INF2: variants seen among roughly 807,000 people sequenced by gnomAD.
INF2 encodes inverted formin-2.
Under a neutral mutation model 123.5 loss-of-function variants are expected in INF2, and 43 were observed. The observed-to-expected ratio is 0.35, with a 90% CI of 0.27 to 0.45. The LOEUF is 0.45. INF2 is among the 20% of genes least tolerant of loss of function. The pLI is 1.00. For missense variants in INF2, 1,453 were observed against 1,682.7 expected, an observed-to-expected ratio of 0.86 and a Z score of 2.39; for synonymous variants, 851 against 745.0, an observed-to-expected ratio of 1.14 and a Z score of -2.32.
rs772977648 is a variant in INF2, at chr14:104,709,603, C to T, written c.2053-17C>T. ...GCTGGCATGGGGGGATCCCACATGC[C>T]GTTCTCCTCCTGGCAGATTGAAAAC... On this transcript the variant is annotated splice_polypyrimidine_tract_variant and intron_variant, in intron 11 of 22. Coordinates refer to ENST00000392634, the MANE Select transcript of INF2 (RefSeq NM_022489.4). 50 of 1,609,050 alleles carry T rather than the reference C, an allele frequency of 3.1e-5. No individual in the cohort carries two copies. The highest frequency in any genetic ancestry group is 1.8e-4 in the East Asian group (8 of 44,868).
chr14:104,715,304 G>C lies in INF2; in HGVS notation c.3715G>C (p.Asp1239His). 1 of 1,613,656 alleles carries C rather than the reference G, an allele frequency of 6.2e-7. No homozygotes were observed. The highest frequency in any genetic ancestry group is 1.1e-5 in the South Asian group (1 of 91,078). Residue 1239 changes from aspartate to histidine, a missense_variant, in exon 22 of 23, where the codon GAT (aspartate) becomes CAT (histidine). By Grantham distance (81) the Asp-to-His change is moderately conservative (BLOSUM62 -1). This residue lies in a region of INF2 where 344 missense variants were observed against 333.1 expected (regional missense o/e 1.03). Coordinates refer to ENST00000392634, the MANE Select transcript of INF2 (RefSeq NM_022489.4). ...AGCAGAGGTTCCCCCTGATTCTGATGATAATAAAACAAAGAAACTGTGTGT... is the reference window on the plus strand; with the variant it reads ...AGCAGAGGTTCCCCCTGATTCTGATCATAATAAAACAAAGAAACTGTGTGT... The part of the protein sequence containing the change: ...SQEEVPPDSD[D>H]NKTKKLCVIQ
upstream of INF2, among the ~76,000 whole-genome samples, chr14:104,688,136 C>T (rs1888728682): frequency 6.6e-6 from 1 of 152,268 alleles, no homozygotes; most frequent in Non-Finnish European, 1.5e-5. Context: ...CCAAGAATTG[C>T]AGAGTGCCTG....
At chr14:104,693,033 A>G (rs1189951152) in intron 1 of INF2, among the ~76,000 whole-genome samples, 1 of 152,190 alleles carries the variant, frequency 6.6e-6, no homozygotes, top group Non-Finnish European at 1.5e-5. Flanking sequence ...TGGAAATGGC[A>G]TGGAGACCCA....
chr14:104,696,764 C>T (rs1889212115), intron 1 of INF2, among the ~76,000 whole-genome samples: 1 of 152,146 alleles, frequency 6.6e-6, no homozygotes, highest in South Asian at 2.1e-4. Flanking sequence ...TGTGGCAGCC[C>T]CTGCCTCCTA....
intron 6 of INF2, 36 bp from the exon 7 acceptor site, chr14:104,706,874 C>A: frequency 6.3e-7 from 1 of 1,597,218 alleles, no homozygotes; most frequent in Non-Finnish European, 8.5e-7. Flanking sequence ...AGGGAGGGGC[C>A]GGCTGCTGAC....
intron 9 of INF2, 22 bp downstream of exon 9, chr14:104,708,609 A>T: frequency 6.2e-7 from 1 of 1,612,646 alleles, no homozygotes. Context: ...GAGGGGACTC[A>T]GACCGGGGCC....
intron 1 of INF2, among the ~76,000 whole-genome samples, chr14:104,695,950 G>A (rs558012121): frequency 6.6e-5 from 10 of 152,286 alleles, no homozygotes; most frequent in Admixed American, 1.3e-4. Context: ...TCTGTGAGAT[G>A]TTGCTGTCTT....
chr14:104,713,048 CT>C, intron 18 of INF2, 56 bp downstream of exon 18: 1 of 1,609,426 alleles, frequency 6.2e-7, no homozygotes, highest in Non-Finnish European at 8.5e-7. Context: ...CCCGAGGCCC[CT>C]GGCCTTCCTC....
rs557462297 is a variant in INF2 at position 104,714,816 on chromosome 14, C to G, written c.3654C>G (p.Thr1218=). 4 of 1,594,060 alleles carry G rather than the reference C, an allele frequency of 2.5e-6. No homozygotes were observed. The highest frequency in any genetic ancestry group is 1.1e-5 in the South Asian group (1 of 88,650). Residue 1218 remains threonine, a synonymous_variant, in exon 21 of 23, where the codon ACC becomes ACG. Coordinates refer to ENST00000392634, the MANE Select transcript of INF2 (RefSeq NM_022489.4). The stretch of plus-strand genomic sequence containing the variant: ...CCCGGGGCCGGGCCTCAAAGGGGAC[C>G]GGGAAGCGAAGGAAGAAGCGTCCCT... ...PRARGRASKG[T]GKRRKKRPSR...
At chr14:104,708,329 C>T in intron 8 of INF2, 107 bp from the exon 9 acceptor site, 1 of 1,419,852 alleles carries the variant, frequency 7.0e-7, no homozygotes, top group Non-Finnish European at 9.6e-7. Flanking sequence ...CTACTGGGCC[C>T]CAGGCAGGAC....
intron 22 of INF2, among the ~76,000 whole-genome samples, chr14:104,718,432 A>G (rs1890416099): frequency 6.6e-6 from 1 of 152,092 alleles, no homozygotes; most frequent in Admixed American, 6.5e-5. Flanking sequence ...ACGTGGAAGC[A>G]ATGGAGGGCT....
At chr14:104,688,650 C>T (rs145790807), upstream of INF2, among the ~76,000 whole-genome samples, 1,243 of 152,358 alleles carry the variant, frequency 8.2e-3, 21 homozygotes, top group African/African-American at 0.028. Flanking sequence ...ACAGGGAGTG[C>T]TGGCGCCGGT....
At position 104,704,275 on chromosome 14, in the gene INF2, A is replaced by C. The variant is rs1016549182; in HGVS notation, c.701+326A>C. 2.2e-5 allele frequency: 22 copies of C among 982,570 alleles called. No individual in the cohort carries two copies. In the East Asian group the frequency reaches 6.2e-4, roughly 28 times the overall value. 60.9% of individuals were successfully genotyped at this position (982,570 alleles called of 1,614,324 possible). On this transcript the variant is annotated intron_variant, in intron 5 of 22. Transcript: ENST00000392634. ...CCCAGAAACAGAAAATGAAATGCCA[A>C]TAAGAGGGAACTACAGGGTGGTTCA...
At chr14:104,704,764 G>A (rs1429553248) in intron 5 of INF2, 5 of 152,154 alleles carry the variant, frequency 3.3e-5, no homozygotes, top group Admixed American at 2.0e-4. Flanking sequence ...TGGCAAACAC[G>A]CACATGTACC....
rs761236066 is a variant in INF2, at chr14:104,706,900, G to A, written c.844-10G>A. 22 of 1,603,120 alleles carry A rather than the reference G, an allele frequency of 1.4e-5. No individual in the cohort carries two copies. The highest frequency in any genetic ancestry group is 2.2e-5 in the East Asian group (1 of 44,852). The stretch of plus-strand genomic sequence containing the variant: ...GGCTGCTGACCTGCACCCCACACTC[G>A]CCCGTCCAGGTGAGCTGCTCCCCGG... On this transcript the variant is annotated splice_polypyrimidine_tract_variant and intron_variant, in intron 6 of 22. Coordinates refer to ENST00000392634, the MANE Select transcript of INF2 (RefSeq NM_022489.4).
In INF2 at chr14:104,713,638, C is replaced by T. The variant is rs750228017; in HGVS notation, c.3040+32C>T. On this transcript the variant is annotated intron_variant, in intron 20 of 22. Transcript: ENST00000392634. ...CCCTCTCCCACTGCCTCCTCATGGT[C>T]CCCTTGCCACTGTCCCTACCCTGTG... 5 of 1,604,890 alleles carry T rather than the reference C, an allele frequency of 3.1e-6. No individual in the cohort carries two copies. The South Asian group carries it at 3.3e-5, about 11-fold the overall frequency.
chr14:104,689,679 C>G lies in INF2; in HGVS notation c.-70C>G. 1 of 984,718 alleles carries G rather than the reference C, an allele frequency of 1.0e-6. No individual in the cohort carries two copies. The highest frequency in any genetic ancestry group is 1.2e-6 in the Non-Finnish European group (1 of 829,650). 61.0% of individuals were successfully genotyped at this position (984,718 alleles called of 1,614,324 possible). ...AGTGGGCGCCGGCTGCCCGCAGCCC[C>G]TGACCCGGCCCCGGACGGAGCGCCG... is the stretch of plus-strand genomic sequence containing the variant. On this transcript the variant is annotated 5_prime_UTR_variant, in exon 1 of 23. Transcript: ENST00000392634.
intron 5 of INF2, among the ~76,000 whole-genome samples, chr14:104,705,177 G>T (rs1889722545): frequency 6.6e-6 from 1 of 152,198 alleles, no homozygotes; most frequent in Non-Finnish European, 1.5e-5. Context: ...AGCACTTTGG[G>T]AGGCCAAGAT....
chr14:104,711,090 C>G lies in INF2; in HGVS notation c.2322C>G (p.Thr774=). The change falls in exon 15 of 23, where the codon ACC becomes ACG. Residue 774 remains threonine, a synonymous_variant. Coordinates refer to ENST00000392634, the MANE Select transcript of INF2 (RefSeq NM_022489.4). ...IGNFLNYGSH[T]GDADGFKIST... is the part of the protein sequence containing the mutation. ...CCTGCCCCTCCCAGGGCAGCCACAC[C>G]GGTGACGCCGACGGCTTCAAGATCA... 6.3e-7 allele frequency: 1 copy of G among 1,598,028 alleles called. No homozygotes were observed.
Sources: allele counts gnomAD v4.1 joint callset (sites outside exome capture counted in the v4.1 genomes callset), GRCh38; gene constraint gnomAD v4.1.1; regional missense constraint gnomAD v4.1.1; transcripts MANE v1.5; gene names NCBI Gene and HGNC (gene_info 2026-07-23, HGNC 2026-07-21).